PTK7: variants seen among roughly 807,000 people sequenced by gnomAD.
PTK7 encodes the protein protein tyrosine kinase 7 (inactive).
In PTK7, 39 loss-of-function variants were observed where a neutral mutation model predicts 116.6. That is an observed-to-expected ratio of 0.33 (90% CI 0.26 to 0.44). PTK7 has a LOEUF of 0.44. PTK7 is among the 20% of genes least tolerant of loss of function. PTK7 has a pLI of 1.00. For synonymous variants in PTK7, 546 were observed against 563.6 expected (o/e 0.97, Z 0.44); for missense variants, 1,169 against 1,425.6 (o/e 0.82, Z 2.90).
intron 1 of PTK7, among the ~76,000 whole-genome samples, chr6:43,101,920 G>T (rs1023293254): frequency 2.0e-5 from 3 of 152,220 alleles, no homozygotes; most frequent in African/African-American, 4.8e-5. Context: ...AGGTGGCTGG[G>T]CGTGGTGGTT....
chr6:43,082,904 C>G (rs1766456878), intron 1 of PTK7, among the ~76,000 whole-genome samples: 1 of 152,196 alleles, frequency 6.6e-6, no homozygotes, highest in Admixed American at 6.5e-5. Flanking sequence ...GACAACTTTT[C>G]AGGAATACAT....
intron 5 of PTK7, 28 bp downstream of exon 5, chr6:43,130,689 G>A (rs1561966578): frequency 6.2e-7 from 1 of 1,610,716 alleles, no homozygotes; most frequent in Non-Finnish European, 8.5e-7. Context: ...GAGCATTCCA[G>A]TACCATGTAC....
chr6:43,127,173 T>C (rs775959627), intron 1 of PTK7, among the ~76,000 whole-genome samples: 1 of 152,228 alleles, frequency 6.6e-6, no homozygotes, highest in Non-Finnish European at 1.5e-5. Flanking sequence ...AAAGACTCCG[T>C]TAGTACCTTT....
chr6:43,113,420 G>C (rs915335428), intron 1 of PTK7, among the ~76,000 whole-genome samples: 1 of 151,924 alleles, frequency 6.6e-6, no homozygotes, highest in East Asian at 1.9e-4. Context: ...GTGACAGAGC[G>C]GTACTCCATC....
At chr6:43,096,380 G>A (rs1164610188) in intron 1 of PTK7, among the ~76,000 whole-genome samples, 1 of 152,074 alleles carries the variant, frequency 6.6e-6, no homozygotes, top group East Asian at 1.9e-4. Context: ...AGTTGGTGAA[G>A]GAGGACCGGG....
intron 1 of PTK7, among the ~76,000 whole-genome samples, chr6:43,086,165 G>A (rs1480001655): frequency 1.3e-5 from 2 of 152,188 alleles, no homozygotes; most frequent in Non-Finnish European, 2.9e-5. Flanking sequence ...CAGGGAGTGG[G>A]TAGTGAACTG....
In PTK7 at chr6:43,095,677, T is replaced by G. The variant is rs145881729; in HGVS notation, c.79+19110T>G. Among the ~76,000 whole-genome samples the G allele has an allele frequency of 1.4e-4, 22 of 152,294 alleles. No homozygotes were observed. The East Asian group carries it at 4.3e-3, about 29-fold the overall frequency. On this transcript the variant is annotated intron_variant, in intron 1 of 19. Coordinates refer to ENST00000230419, the MANE Select transcript of PTK7 (RefSeq NM_002821.5). ...TTTTGAAGAATAAGGTATTGTATAATAGATGGTGTGCCTTAAATGATGGGG... is the reference window on the plus strand; with the variant it reads ...TTTTGAAGAATAAGGTATTGTATAAGAGATGGTGTGCCTTAAATGATGGGG...
At position 43,130,321 on chromosome 6, in the gene PTK7, CG is replaced by C. The variant is rs1769584448; in HGVS notation, c.564del (p.Pro189GlnfsTer29). ...VSSKERNLTL[R>X]PAGPEHSGLY... ...CAGCAAGGAGCGGAACCTGACGCTC[CG>C]GCCAGCTGGTCCTGAGCATAGTGGG... On this transcript the variant is annotated frameshift_variant, in exon 4 of 20. Coordinates refer to ENST00000230419, the MANE Select transcript of PTK7 (RefSeq NM_002821.5). LOFTEE classifies it high-confidence loss of function. 6.2e-7 allele frequency: 1 copy of C among 1,612,504 alleles called. No individual in the cohort carries two copies.
chr6:43,083,110 C>T (rs1320194779), intron 1 of PTK7, among the ~76,000 whole-genome samples: 1 of 152,184 alleles, frequency 6.6e-6, no homozygotes. Context: ...CAGTTTGGGG[C>T]CAAGGATTCA....
rs748711442 is a variant in PTK7 at position 43,159,707 on chromosome 6, C to T, written c.2874-81C>T. ...AGGCTGGGCCCCCGGCTTGGGGATG[C>T]GTTCCAGATGGGGAGATGAGGGTGC... On this transcript the variant is annotated intron_variant, in intron 18 of 19. Transcript: ENST00000230419. The T allele has an allele frequency of 4.5e-4, 653 of 1,446,600 alleles. 2 individuals carry two copies. Among genetic ancestry groups the T allele is most frequent in the Non-Finnish European group, 4.6e-4 (480 of 1,036,552 alleles). The allele number at this position is 1,446,600 out of a possible 1,614,324, so 89.6% of individuals were successfully genotyped here.
chr6:43,130,730 G>A lies in PTK7; in HGVS notation c.812+69G>A, dbSNP rs1267912155. ...ACATGCATTCTGTAGAAGGGGGTGC[G>A]ATTTGTATCACAGACATCACAGATT... On this transcript the variant is annotated intron_variant, in intron 5 of 19. Transcript: ENST00000230419. 5.2e-6 allele frequency: 8 copies of A among 1,551,254 alleles called. No homozygotes were observed. The South Asian group carries it at 5.6e-5, about 11-fold the overall frequency.
intron 1 of PTK7, among the ~76,000 whole-genome samples, chr6:43,121,550 GA>G (rs1768963015): frequency 1.3e-5 from 2 of 150,154 alleles, no homozygotes; most frequent in African/African-American, 4.8e-5. Flanking sequence ...TGGGAAGACA[GA>G]AGGGGAGCAG....
chr6:43,107,486 C>A (rs2150398226), intron 1 of PTK7, among the ~76,000 whole-genome samples: 1 of 152,286 alleles, frequency 6.6e-6, no homozygotes, highest in East Asian at 1.9e-4. Context: ...TGGGCATTAG[C>A]ATTATAACAA....
intron 18 of PTK7, 60 bp downstream of exon 18, chr6:43,159,028 G>T: frequency 6.3e-7 from 1 of 1,594,328 alleles, no homozygotes; most frequent in Non-Finnish European, 8.6e-7. Flanking sequence ...GAGGGGCAGA[G>T]GACAGATAGT....
chr6:43,141,918 T>G lies in PTK7; in HGVS notation c.1769-13T>G, dbSNP rs747520321. 2 of 1,598,244 alleles carry G rather than the reference T, an allele frequency of 1.3e-6. No homozygotes were observed. The highest frequency in any genetic ancestry group is 2.2e-5 in the South Asian group (2 of 90,276). ...TACCCCTCCCTGCGCCTCGCTGGTC[T>G]CTTTTCTTCCAGTTTTTATCACCTT... On this transcript the variant is annotated splice_polypyrimidine_tract_variant and intron_variant, in intron 11 of 19. Coordinates refer to ENST00000230419, the MANE Select transcript of PTK7 (RefSeq NM_002821.5). The surrounding 1 kb of genome is among the most constrained non-coding windows in gnomAD (Gnocchi z 4.9).
intron 10 of PTK7, among the ~76,000 whole-genome samples, chr6:43,140,062 C>T (rs527252268): frequency 1.3e-5 from 2 of 152,046 alleles, no homozygotes; most frequent in African/African-American, 4.8e-5. Flanking sequence ...TGCAGTGGGC[C>T]GAGATCATGC....
At chr6:43,109,850 G>A (rs1015933789) in intron 1 of PTK7, among the ~76,000 whole-genome samples, 3 of 151,234 alleles carry the variant, frequency 2.0e-5, no homozygotes, top group African/African-American at 4.9e-5. Context: ...AGGTGCCCAC[G>A]ACCACGCCCG....
At chr6:43,080,437 G>A (rs560038964) in intron 1 of PTK7, among the ~76,000 whole-genome samples, 9 of 152,264 alleles carry the variant, frequency 5.9e-5, no homozygotes, top group African/African-American at 2.2e-4. Context: ...TCTTTAATTT[G>A]TATTCTTTTT....
intron 1 of PTK7, among the ~76,000 whole-genome samples, chr6:43,086,757 G>A (rs143733133): frequency 3.3e-5 from 5 of 152,120 alleles, no homozygotes; most frequent in African/African-American, 9.7e-5. Context: ...GATTGCTTGA[G>A]CCTGGGAGGT....
Sources: gnomAD v4.1 joint callset for allele counts (sites outside exome capture counted in the v4.1 genomes callset) on GRCh38, gnomAD v4.1.1 for gene constraint, Gnocchi (gnomAD v3.1) non-coding constraint, MANE v1.5 for transcripts, NCBI Gene and HGNC (gene_info 2026-07-23, HGNC 2026-07-21) for gene names.